NIPSNAP2: variants seen among roughly 807,000 people sequenced by gnomAD.
The protein encoded by NIPSNAP2 is nipsnap homolog 2.
Under a neutral mutation model 48.4 loss-of-function variants are expected in NIPSNAP2, and 42 were observed. The ratio of observed to expected loss-of-function variants is 0.87; its 90% CI spans 0.68 to 1.12. The LOEUF is 1.12. Among genes scored for constraint, NIPSNAP2 ranks in the 50% most tolerant of loss-of-function variants. The pLI is 0.00. For missense variants in NIPSNAP2, 314 were observed against 347.3 expected, an observed-to-expected ratio of 0.90 and a Z score of 0.76; for synonymous variants, 158 against 126.6, an observed-to-expected ratio of 1.25 and a Z score of -1.67.
chr7:55,977,029 T>C (rs75703490), intron 1 of NIPSNAP2, among the ~76,000 whole-genome samples: 6,875 of 152,268 alleles, frequency 0.045, 295 homozygotes, highest in East Asian at 0.22. Flanking sequence ...TTAATAAAGT[T>C]GGTATTCTGA....
At chr7:55,966,378 A>AGGAG (rs1786895968) in intron 1 of NIPSNAP2, among the ~76,000 whole-genome samples, 2 of 152,136 alleles carry the variant, frequency 1.3e-5, no homozygotes, top group African/African-American at 4.8e-5. Flanking sequence ...AGGTTGCGGC[A>AGGAG]GGAGGATTGC....
intron 9 of NIPSNAP2, among the ~76,000 whole-genome samples, chr7:55,998,077 T>C (rs1198720502): frequency 6.6e-6 from 1 of 152,094 alleles, no homozygotes; most frequent in Non-Finnish European, 1.5e-5. Context: ...CCCAGCACTT[T>C]GGGAGGCTGA....
intron 7 of NIPSNAP2, among the ~76,000 whole-genome samples, chr7:55,986,982 A>AC (rs1562766826): frequency 1.0e-5 from 1 of 97,516 alleles, no homozygotes. Context: ...CCCTGTCTCT[A>AC]TAAAAAAAAA....
chr7:55,981,169 A>G (rs1294813438), intron 3 of NIPSNAP2: 1 of 174,684 alleles, frequency 5.7e-6, no homozygotes, highest in Non-Finnish European at 1.2e-5. Flanking sequence ...TCAAATGGAA[A>G]ATAGTAGACC....
At chr7:55,976,256 T>C (rs116600510) in intron 1 of NIPSNAP2, among the ~76,000 whole-genome samples, 4,858 of 152,298 alleles carry the variant, frequency 0.032, 96 homozygotes, top group African/African-American at 0.037. Context: ...AGCACATCAG[T>C]GCACATAAAT....
intron 7 of NIPSNAP2, among the ~76,000 whole-genome samples, chr7:55,987,127 G>A (rs773114244): frequency 1.3e-5 from 2 of 151,864 alleles, no homozygotes; most frequent in Non-Finnish European, 1.5e-5. Context: ...TCATGCCACT[G>A]CACTCCCAGT....
intron 1 of NIPSNAP2, among the ~76,000 whole-genome samples, chr7:55,977,476 T>A (rs538636486): frequency 3.3e-5 from 5 of 152,334 alleles, no homozygotes; most frequent in East Asian, 1.9e-4. Flanking sequence ...CTTGTATTTT[T>A]AAAATATTTT....
intron 1 of NIPSNAP2, among the ~76,000 whole-genome samples, 175 bp from the exon 2 acceptor site, chr7:55,977,951 A>G (rs1487871640): frequency 6.6e-6 from 1 of 152,076 alleles, no homozygotes; most frequent in Non-Finnish European, 1.5e-5. Flanking sequence ...CACATTTTAC[A>G]TTTTTCTTTG....
intron 1 of NIPSNAP2, among the ~76,000 whole-genome samples, chr7:55,968,454 C>T (rs1016546432): frequency 2.0e-5 from 3 of 150,834 alleles, no homozygotes; most frequent in Non-Finnish European, 1.5e-5. Flanking sequence ...GGGGTGATCT[C>T]GGCTCGCTGC....
intron 1 of NIPSNAP2, among the ~76,000 whole-genome samples, chr7:55,971,721 G>C (rs1017556329): frequency 1.9e-4 from 29 of 151,944 alleles, no homozygotes; most frequent in Admixed American, 1.8e-3. Context: ...GCTCAGTTGG[G>C]GTGATTTTTA....
intron 1 of NIPSNAP2, among the ~76,000 whole-genome samples, chr7:55,976,985 T>C (rs1025778906): frequency 6.6e-6 from 1 of 152,174 alleles, no homozygotes; most frequent in African/African-American, 2.4e-5. Context: ...ACAATAGAAA[T>C]TTAATTATGA....
intron 2 of NIPSNAP2, 30 bp downstream of exon 2, chr7:55,978,295 T>C: frequency 6.2e-7 from 1 of 1,613,080 alleles, no homozygotes; most frequent in Non-Finnish European, 8.5e-7. Context: ...TCTTCATAGT[T>C]GACTTTTTTT....
At position 55,964,634 on chromosome 7, in the gene NIPSNAP2, C is replaced by A. The variant is rs936401965; in HGVS notation, c.25C>A (p.Arg9Ser). The change falls in exon 1 of 10, where the codon CGC becomes AGC. Residue 9 changes from arginine (R) to serine (S), a missense_variant. Physicochemically the swap from Arg to Ser is moderately radical, Grantham distance 110. Coordinates refer to ENST00000322090, the MANE Select transcript of NIPSNAP2 (RefSeq NM_001483.3). MAARVLRA[R>S]GAAWAGGLLQ... ...GATGGCGGCGCGAGTGCTGCGCGCC[C>A]GCGGAGCGGCCTGGGCCGGCGGCCT... 1.9e-5 allele frequency: 20 copies of A among 1,069,986 alleles called. No individual in the cohort carries two copies. Among genetic ancestry groups the A allele is most frequent in the Admixed American group, 5.4e-5 (1 of 18,540 alleles). 66.3% of individuals were successfully genotyped at this position (1,069,986 alleles called of 1,614,324 possible). A position where few individuals can be genotyped will look rare whatever the true frequency, so the allele number is the denominator to read the frequency against.
chr7:55,983,704 T>C (rs1300534104), intron 5 of NIPSNAP2, 24 bp from the exon 6 acceptor site: 3 of 1,612,782 alleles, frequency 1.9e-6, no homozygotes, highest in South Asian at 1.1e-5. Flanking sequence ...GAAGATTTCA[T>C]GAGCACATTT....
intron 1 of NIPSNAP2, among the ~76,000 whole-genome samples, chr7:55,967,269 C>T (rs1353281968): frequency 6.6e-6 from 1 of 152,206 alleles, no homozygotes. Flanking sequence ...TGGCCCAGGC[C>T]AGACACCAGA....
chr7:55,964,764 G>A, intron 1 of NIPSNAP2, 63 bp downstream of exon 1: 4 of 885,638 alleles, frequency 4.5e-6, no homozygotes, highest in Non-Finnish European at 4.2e-6. Context: ...GGAGGGCGCG[G>A]GTTTCCCGGC....
intron 1 of NIPSNAP2, among the ~76,000 whole-genome samples, chr7:55,969,329 C>T (rs1410713002): frequency 2.0e-5 from 3 of 151,958 alleles, no homozygotes; most frequent in Admixed American, 6.6e-5. Flanking sequence ...GTCTGTCAAC[C>T]TCTTCTCTCC....
chr7:55,978,529 AAACTGAGCTTC>A, intron 3 of NIPSNAP2, 134 bp downstream of exon 3: 1 of 824,416 alleles, frequency 1.2e-6, no homozygotes, highest in Non-Finnish European at 1.9e-6. Context: ...AGAGGCTCTT[AAACTGAGCTTC>A]ATGTGGGATT....
intron 7 of NIPSNAP2, among the ~76,000 whole-genome samples, chr7:55,991,355 G>A (rs958483098): frequency 5.9e-5 from 9 of 151,996 alleles, no homozygotes; most frequent in Admixed American, 3.9e-4. Flanking sequence ...AGCTACTCAC[G>A]GAATAGGATT....
Sources: allele counts gnomAD v4.1 joint callset (sites outside exome capture counted in the v4.1 genomes callset), GRCh38; gene constraint gnomAD v4.1.1; transcripts MANE v1.5; gene names NCBI Gene and HGNC (gene_info 2026-07-23, HGNC 2026-07-21).